The following TMEM65 variants were observed in gnomAD, a reference collection of about 807,000 sequenced individuals.
TMEM65 encodes the protein transmembrane protein 65.
Under a neutral mutation model 25.4 loss-of-function variants are expected in TMEM65, and 22 were observed. The ratio of observed to expected loss-of-function variants is 0.86; its 90% CI spans 0.62 to 1.23. TMEM65 has a LOEUF of 1.23. Among genes scored for constraint, TMEM65 ranks in the 50% most tolerant of loss-of-function variants. The pLI is 0.00. For missense variants in TMEM65, 262 were observed against 308.2 expected, an observed-to-expected ratio of 0.85 and a Z score of 1.12; for synonymous variants, 132 against 126.2, an observed-to-expected ratio of 1.05 and a Z score of -0.31.
At chr8:124,314,611 A>C (rs931486451) in intron 6 of TMEM65, among the ~76,000 whole-genome samples, 4 of 152,140 alleles carry the variant, frequency 2.6e-5, no homozygotes, top group Admixed American at 1.3e-4. Flanking sequence ...CTACATTATA[A>C]AAATTTTATT....
chr8:124,357,434 A>G (rs899859122), intron 1 of TMEM65, among the ~76,000 whole-genome samples: 2 of 152,234 alleles, frequency 1.3e-5, no homozygotes, highest in Non-Finnish European at 2.9e-5. Context: ...ACAAATATAA[A>G]AAATCTTCCA....
At chr8:124,333,772 G>A (rs1325755853) in intron 1 of TMEM65, among the ~76,000 whole-genome samples, 1 of 152,138 alleles carries the variant, frequency 6.6e-6, no homozygotes, top group Non-Finnish European at 1.5e-5. Context: ...CACTAAGTGA[G>A]TTAGTTACCT....
chr8:124,357,287 T>C (rs556777661), intron 1 of TMEM65, among the ~76,000 whole-genome samples: 1 of 152,260 alleles, frequency 6.6e-6, no homozygotes, highest in African/African-American at 2.4e-5. Context: ...TACAATTAAT[T>C]ACTAAATATC....
intron 1 of TMEM65, 108 bp from the exon 2 acceptor site, chr8:124,330,900 A>G: frequency 9.7e-7 from 1 of 1,031,996 alleles, no homozygotes; most frequent in Non-Finnish European, 1.4e-6. Flanking sequence ...AGAATATCAG[A>G]GTTTATTCAT....
chr8:124,364,841 TACTA>T (rs1814917302), intron 1 of TMEM65, among the ~76,000 whole-genome samples: 1 of 152,182 alleles, frequency 6.6e-6, no homozygotes, highest in Admixed American at 6.5e-5. Context: ...TAAAGCTACA[TACTA>T]ACTAATTCAG....
chr8:124,371,776 G>C, intron 1 of TMEM65, 78 bp downstream of exon 1: 1 of 1,390,132 alleles, frequency 7.2e-7, no homozygotes, highest in Non-Finnish European at 9.5e-7. Flanking sequence ...ATCCAGGGCC[G>C]CAGCGGGCTC....
intron 1 of TMEM65, among the ~76,000 whole-genome samples, chr8:124,339,473 A>G (rs967050193): frequency 2.6e-5 from 4 of 151,606 alleles, no homozygotes; most frequent in Admixed American, 1.3e-4. Context: ...GTGCTGCCCA[A>G]TTCATGAGTT....
chr8:124,365,540 C>G (rs928131392), intron 1 of TMEM65, among the ~76,000 whole-genome samples: 1 of 152,118 alleles, frequency 6.6e-6, no homozygotes, highest in African/African-American at 2.4e-5. Flanking sequence ...AAAGATATCC[C>G]ACATTCTAAT....
chr8:124,369,028 G>A (rs1814977461), intron 1 of TMEM65, among the ~76,000 whole-genome samples: 1 of 152,148 alleles, frequency 6.6e-6, no homozygotes, highest in Non-Finnish European at 1.5e-5. Flanking sequence ...AAGAAAATTT[G>A]TTTTAAAAAT....
intron 1 of TMEM65, among the ~76,000 whole-genome samples, chr8:124,337,120 A>C (rs1814518334): frequency 6.6e-6 from 1 of 151,604 alleles, no homozygotes; most frequent in African/African-American, 2.4e-5. Context: ...TTACCAAAAA[A>C]CTTTATATGT....
At chr8:124,366,341 G>A (rs914431169) in intron 1 of TMEM65, among the ~76,000 whole-genome samples, 1 of 152,196 alleles carries the variant, frequency 6.6e-6, no homozygotes, top group Non-Finnish European at 1.5e-5. Context: ...ATGCTGGTGA[G>A]GCCACATCCA....
intron 6 of TMEM65, 98 bp downstream of exon 6, chr8:124,319,988 C>T (rs1814284682): frequency 5.6e-6 from 5 of 898,846 alleles, no homozygotes; most frequent in Non-Finnish European, 8.2e-6. Flanking sequence ...AAACTCCATT[C>T]AAACCAATTT....
At chr8:124,323,461 A>G (rs1287092911) in intron 3 of TMEM65, 86 bp from the exon 4 acceptor site, 2 of 680,266 alleles carry the variant, frequency 2.9e-6, no homozygotes, top group African/African-American at 1.9e-5. Context: ...AACAGATACA[A>G]GTTAAATCAA....
intron 2 of TMEM65, among the ~76,000 whole-genome samples, chr8:124,330,388 T>C (rs1814415863): frequency 6.6e-6 from 1 of 151,932 alleles, no homozygotes; most frequent in South Asian, 2.1e-4. Context: ...AGAACAGTTG[T>C]ATCTCGCCTT....
chr8:124,321,994 A>G (rs1026223492), intron 5 of TMEM65, 111 bp downstream of exon 5: 75 of 879,102 alleles, frequency 8.5e-5, no homozygotes, highest in Admixed American at 4.7e-4. Context: ...TTAATTCTAG[A>G]AAACAAAGAA....
intron 1 of TMEM65, among the ~76,000 whole-genome samples, chr8:124,339,384 T>C (rs1034106531): frequency 6.6e-6 from 1 of 150,992 alleles, no homozygotes; most frequent in Admixed American, 6.6e-5. Context: ...TATTTCTGTA[T>C]ATAATTTCCT....
intron 6 of TMEM65, among the ~76,000 whole-genome samples, chr8:124,315,840 C>G (rs1398013034): frequency 6.6e-6 from 1 of 152,108 alleles, no homozygotes; most frequent in Non-Finnish European, 1.5e-5. Context: ...AAGAAATTTT[C>G]TTCATTCCAC....
At chr8:124,350,921 A>T (rs965091315) in intron 1 of TMEM65, 1 of 886,522 alleles carries the variant, frequency 1.1e-6, no homozygotes, top group Non-Finnish European at 1.4e-6. Flanking sequence ...TCATACAGAC[A>T]GTCAAAAACA....
chr8:124,345,118 A>G (rs1282666852), intron 1 of TMEM65, among the ~76,000 whole-genome samples: 1 of 152,208 alleles, frequency 6.6e-6, no homozygotes, highest in East Asian at 1.9e-4. Context: ...CCTACCTCAA[A>G]GTATATTCTT....
Sources: gnomAD v4.1 joint callset for allele counts (sites outside exome capture counted in the v4.1 genomes callset) on GRCh38, gnomAD v4.1.1 for gene constraint, MANE v1.5 for transcripts, NCBI Gene and HGNC (gene_info 2026-07-23, HGNC 2026-07-21) for gene names.